ZNF618: variants seen among roughly 807,000 people sequenced by gnomAD.
ZNF618 encodes neural precursor cell expressed, developmentally down-regulated 10.
ZNF618 carries 34 observed loss-of-function variants against 103.0 expected under a neutral mutation model. That is an observed-to-expected ratio of 0.33 (90% CI 0.25 to 0.44). The LOEUF is 0.44. ZNF618 is among the 20% of genes least tolerant of loss of function. The pLI, the probability that ZNF618 is intolerant of heterozygous loss-of-function variation, is 1.00. For missense variants in ZNF618, 1,059 were observed against 1,295.4 expected, an observed-to-expected ratio of 0.82 and a Z score of 2.80; for synonymous variants, 551 against 542.2, an observed-to-expected ratio of 1.02 and a Z score of -0.23.
intron 9 of ZNF618, 90 bp downstream of exon 9, chr9:114,008,644 G>C (rs1167482378): frequency 6.8e-7 from 1 of 1,473,044 alleles, no homozygotes; most frequent in African/African-American, 1.4e-5. Flanking sequence ...AGGGGTAGCA[G>C]TGGGTGGCAT....
intron 3 of ZNF618, 115 bp from the exon 4 acceptor site, chr9:113,998,144 G>A (rs1315563268): frequency 1.1e-6 from 1 of 910,614 alleles, no homozygotes; most frequent in Non-Finnish European, 1.7e-6. Context: ...TAACGAAGAG[G>A]TAGGCAGTGT....
At chr9:113,954,903 G>A (rs1486034592) in intron 1 of ZNF618, among the ~76,000 whole-genome samples, 1 of 152,050 alleles carries the variant, frequency 6.6e-6, no homozygotes, top group South Asian at 2.1e-4. Flanking sequence ...TCCCTCTATG[G>A]TCCACTCCCA....
intron 9 of ZNF618, among the ~76,000 whole-genome samples, chr9:114,013,095 A>G (rs1010430129): frequency 2.0e-5 from 3 of 152,228 alleles, no homozygotes; most frequent in Admixed American, 6.5e-5. Flanking sequence ...ACTAAATCTT[A>G]GAAGATAATG....
At chr9:114,028,406 T>C (rs1003606882) in intron 10 of ZNF618, 6 of 294,096 alleles carry the variant, frequency 2.0e-5, no homozygotes, top group Non-Finnish European at 3.8e-5. Flanking sequence ...AAACCAACAT[T>C]CTAGAAGATG....
chr9:114,008,614 C>T, intron 9 of ZNF618, 60 bp downstream of exon 9: 1 of 1,588,794 alleles, frequency 6.3e-7, no homozygotes, highest in Admixed American at 1.7e-5. Context: ...GGAGGCAGGG[C>T]TCAGTCTCAC....
rs761563276 is a variant in ZNF618, at chr9:114,008,510, A to AGGT, written c.712_714dup (p.Val238dup). The AGGT allele has an allele frequency of 1.2e-6, 2 of 1,613,946 alleles. No individual in the cohort carries two copies. The highest frequency in any genetic ancestry group is 1.7e-6 in the Non-Finnish European group (2 of 1,179,866). On this transcript the variant is annotated inframe_insertion, in exon 9 of 15. Coordinates refer to ENST00000374126, the MANE Select transcript of ZNF618 (RefSeq NM_001318042.2). ...GACCAAGGTGTCGTGGCCACGGACG[A>AGGT]GGTGAAGGAGGAGCCCCCGGAGCCA...
chr9:113,924,414 T>G (rs1029689875), intron 1 of ZNF618, among the ~76,000 whole-genome samples: 12 of 148,640 alleles, frequency 8.1e-5, no homozygotes, highest in African/African-American at 3.0e-4. Context: ...TTCTTCTTCT[T>G]CTTCTTCTTC....
chr9:113,889,050 T>G (rs2130967651), intron 1 of ZNF618, among the ~76,000 whole-genome samples: 1 of 152,280 alleles, frequency 6.6e-6, no homozygotes, highest in Middle Eastern at 3.4e-3. Context: ...CCTCACTGTC[T>G]GTATTAGACG....
At chr9:113,949,001 TGA>T (rs1835301309) in intron 1 of ZNF618, among the ~76,000 whole-genome samples, 1 of 152,270 alleles carries the variant, frequency 6.6e-6, no homozygotes, top group African/African-American at 2.4e-5. Flanking sequence ...GGTGGGCAGT[TGA>T]TCTCTGCCTA....
At chr9:114,039,071 A>G (rs1369852210) in intron 13 of ZNF618, among the ~76,000 whole-genome samples, 1 of 152,188 alleles carries the variant, frequency 6.6e-6, no homozygotes, top group Non-Finnish European at 1.5e-5. Context: ...GTGGCAGGCT[A>G]TAGATAGGAT....
chr9:113,921,345 G>A (rs1398191445), intron 1 of ZNF618, among the ~76,000 whole-genome samples: 1 of 152,246 alleles, frequency 6.6e-6, no homozygotes, highest in Non-Finnish European at 1.5e-5. Context: ...TCCCAGGGTA[G>A]CATTTGTTGG....
At position 113,967,975 on chromosome 9, in the gene ZNF618, C is replaced by T. The variant is rs190620980; in HGVS notation, c.34-1142C>T. On this transcript the variant is annotated intron_variant, in intron 1 of 14. Transcript: ENST00000374126. ...TTATACATTGCCGATTTGTTTGAAT[C>T]GAAGTCCGCCATCTGATTTTGCCAG... Among the ~76,000 whole-genome samples the T allele has an allele frequency of 6.6e-5, 10 of 152,168 alleles. No homozygotes were observed. The East Asian group carries it at 1.5e-3, about 24-fold the overall frequency.
chr9:113,927,967 G>A (rs879293288), intron 1 of ZNF618, among the ~76,000 whole-genome samples: 18 of 152,310 alleles, frequency 1.2e-4, no homozygotes, highest in African/African-American at 4.3e-4. Context: ...TTTGCTCTGT[G>A]ACCTCAGTTC....
chr9:113,929,189 C>T (rs1400085894), intron 1 of ZNF618, among the ~76,000 whole-genome samples: 2 of 152,140 alleles, frequency 1.3e-5, no homozygotes, highest in Non-Finnish European at 2.9e-5. Flanking sequence ...TGATGACTCC[C>T]CTAAGACTGG....
chr9:114,048,410 A>G (rs1321182730), intron 14 of ZNF618, among the ~76,000 whole-genome samples: 1 of 152,204 alleles, frequency 6.6e-6, no homozygotes, highest in African/African-American at 2.4e-5. Context: ...GACCGCAATT[A>G]TGTTGCATAC....
chr9:114,004,089 C>A (rs908783437), intron 6 of ZNF618, among the ~76,000 whole-genome samples: 1 of 152,234 alleles, frequency 6.6e-6, no homozygotes, highest in African/African-American at 2.4e-5. Context: ...CCCTGCCCAA[C>A]AAAACCCCAA....
chr9:113,909,049 G>C (rs527544740), intron 1 of ZNF618, among the ~76,000 whole-genome samples: 1 of 152,038 alleles, frequency 6.6e-6, no homozygotes, highest in East Asian at 2.0e-4. Context: ...TCATTGCTGA[G>C]CTGGGATAGG....
intron 1 of ZNF618, among the ~76,000 whole-genome samples, chr9:113,947,222 G>A (rs1447427788): frequency 1.3e-5 from 2 of 152,154 alleles, no homozygotes; most frequent in Admixed American, 6.5e-5. Context: ...GGCTGGGATC[G>A]TCCAGGGGAT....
chr9:113,898,933 A>T (rs1483941222), intron 1 of ZNF618, among the ~76,000 whole-genome samples: 1 of 152,088 alleles, frequency 6.6e-6, no homozygotes, highest in East Asian at 1.9e-4. Flanking sequence ...GAAGTAGCTT[A>T]GCTTCTCTTG....
Sources: allele counts gnomAD v4.1 joint callset (sites outside exome capture counted in the v4.1 genomes callset), GRCh38; gene constraint gnomAD v4.1.1; transcripts MANE v1.5; gene names NCBI Gene and HGNC (gene_info 2026-07-23, HGNC 2026-07-21).